CPS1: variants seen among roughly 807,000 people sequenced by gnomAD.
CPS1 encodes the protein carbamoyl-phosphate synthase 1, also known as carbamoyl-phosphate synthase [ammonia], mitochondrial.
In CPS1, 109 loss-of-function variants were observed where a neutral mutation model predicts 174.6. That is an observed-to-expected ratio of 0.62 (90% CI 0.53 to 0.73). The LOEUF (loss-of-function observed/expected upper bound fraction) is 0.73, where lower values mean the gene tolerates loss of function less well. CPS1 is among the 30% of genes least tolerant of loss of function. The pLI is 0.00. For synonymous variants in CPS1, 637 were observed against 632.0 expected, an observed-to-expected ratio of 1.01 and a Z score of -0.12; for missense variants, 1,689 against 1,821.9, an observed-to-expected ratio of 0.93 and a Z score of 1.33.
chr2:210,653,519 T>C (rs1213541267), intron 28 of CPS1, among the ~76,000 whole-genome samples: 2 of 152,210 alleles, frequency 1.3e-5, no homozygotes, highest in Non-Finnish European at 2.9e-5. Context: ...AAGGATTTCA[T>C]CTTTGGCCCA....
In CPS1 at chr2:210,675,819, C is replaced by T; in HGVS notation, c.4253C>T (p.Pro1418Leu). Residue 1418 changes from proline to leucine, a missense_variant, in exon 36 of 38, where the codon CCC (proline) becomes CTC (leucine). Coordinates refer to ENST00000233072, the MANE Select transcript of CPS1 (RefSeq NM_001875.5). ...VAWPSQEGQNPSLSSIRKLIR... is the reference protein window; with the variant it reads ...VAWPSQEGQNLSLSSIRKLIR... ...TGGCCGTCTCAAGAAGGACAGAATC[C>T]CAGCCTCTCTTCCATCAGAAAGTAA... 6.4e-7 allele frequency: 1 copy of T among 1,559,432 alleles called. No individual in the cohort carries two copies. The highest frequency in any genetic ancestry group is 8.8e-7 in the Non-Finnish European group (1 of 1,130,072).
At chr2:210,552,496 T>A (rs1026155018), upstream of CPS1, among the ~76,000 whole-genome samples, 3 of 152,168 alleles carry the variant, frequency 2.0e-5, no homozygotes, top group Admixed American at 2.0e-4. Context: ...CTTAGAGTTG[T>A]TTCTGATTCA....
chr2:210,668,548 C>T (rs1000890330), intron 34 of CPS1, among the ~76,000 whole-genome samples: 1 of 152,068 alleles, frequency 6.6e-6, no homozygotes, highest in African/African-American at 2.4e-5. Flanking sequence ...ATGCAGGGTA[C>T]TTTAAAAAAT....
At chr2:210,525,978 A>C (rs1196662912) in intron 1 of CPS1, among the ~76,000 whole-genome samples, 4 of 151,878 alleles carry the variant, frequency 2.6e-5, no homozygotes, top group Non-Finnish European at 2.9e-5. Flanking sequence ...GTATGACTGC[A>C]ATGAAGAGTC....
intron 21 of CPS1, among the ~76,000 whole-genome samples, chr2:210,635,493 G>A (rs1469931943): frequency 6.6e-6 from 1 of 152,168 alleles, no homozygotes; most frequent in African/African-American, 2.4e-5. Flanking sequence ...TGACACTGGA[G>A]CCACTGACCA....
upstream of CPS1, chr2:210,556,541 G>T (rs1268474254): frequency 1.0e-5 from 15 of 1,478,886 alleles, no homozygotes; most frequent in Non-Finnish European, 1.3e-5. Flanking sequence ...AGGAGGAGGG[G>T]TTAAGAGAAG....
At chr2:210,532,807 T>C (rs1168069007) in intron 1 of CPS1, among the ~76,000 whole-genome samples, 1 of 152,182 alleles carries the variant, frequency 6.6e-6, no homozygotes, top group East Asian at 1.9e-4. Flanking sequence ...AACTACCAAC[T>C]GGGCAGAGGG....
At chr2:210,589,142 C>T (rs1698204122) in intron 7 of CPS1, among the ~76,000 whole-genome samples, 1 of 152,054 alleles carries the variant, frequency 6.6e-6, no homozygotes, top group African/African-American at 2.4e-5. Flanking sequence ...GTAACTATTC[C>T]ACACGGGCTC....
chr2:210,511,015 G>C (rs1695471595), intron 1 of CPS1, among the ~76,000 whole-genome samples: 1 of 152,124 alleles, frequency 6.6e-6, no homozygotes, highest in Non-Finnish European at 1.5e-5. Context: ...GTTTGACCCA[G>C]CCATCCCATT....
rs972802487 is a variant in CPS1 at position 210,629,322 on chromosome 2, T to C, written c.2688-8380T>C. On this transcript the variant is annotated intron_variant, in intron 21 of 37. Coordinates refer to ENST00000233072, the MANE Select transcript of CPS1 (RefSeq NM_001875.5). ...GATTGGTATCAGCATCCTTTTTTTT[T>C]CTTTTTTTTTGAGACGGAGTCTCGC... Among the ~76,000 whole-genome samples the C allele has an allele frequency of 2.0e-3, 297 of 152,250 alleles. 4 individuals are homozygous for C. Among genetic ancestry groups the C allele is most frequent in the Non-Finnish European group, 5.1e-4 (35 of 68,004 alleles).
At chr2:210,566,697 T>C (rs1456088838) in intron 1 of CPS1, among the ~76,000 whole-genome samples, 1 of 152,198 alleles carries the variant, frequency 6.6e-6, no homozygotes, top group Non-Finnish European at 1.5e-5. Flanking sequence ...AGAATGATCT[T>C]TACTTCTCTG....
chr2:210,604,337 A>C (rs1201569583), intron 16 of CPS1, among the ~76,000 whole-genome samples: 2 of 151,896 alleles, frequency 1.3e-5, no homozygotes, highest in Non-Finnish European at 2.9e-5. Flanking sequence ...CAAATCAAAT[A>C]TATTATAAGA....
At chr2:210,530,076 C>A (rs1431714223) in intron 1 of CPS1, among the ~76,000 whole-genome samples, 1 of 151,880 alleles carries the variant, frequency 6.6e-6, no homozygotes, top group South Asian at 2.1e-4. Context: ...TAAGGGTTAC[C>A]ACTTTATAAT....
chr2:210,648,170 A>G, intron 26 of CPS1, 113 bp downstream of exon 26: 1 of 1,050,458 alleles, frequency 9.5e-7, no homozygotes, highest in Non-Finnish European at 1.4e-6. Flanking sequence ...GATAGAATGC[A>G]TACACTTAGT....
intron 32 of CPS1, among the ~76,000 whole-genome samples, chr2:210,661,930 GAGTCTT>G (rs1247169981): frequency 2.7e-4 from 37 of 135,870 alleles, no homozygotes; most frequent in Middle Eastern, 4.5e-3. Flanking sequence ...TTTTGAGACG[GAGTCTT>G]GCTCTGTCAC....
intron 21 of CPS1, among the ~76,000 whole-genome samples, chr2:210,626,466 T>A (rs1699701744): frequency 6.6e-6 from 1 of 152,178 alleles, no homozygotes; most frequent in Admixed American, 6.5e-5. Context: ...AAACTGACTG[T>A]GTTGGGAAAT....
intron 25 of CPS1, among the ~76,000 whole-genome samples, chr2:210,645,029 A>G (rs557105074): frequency 4.6e-5 from 7 of 152,314 alleles, no homozygotes; most frequent in African/African-American, 1.7e-4. Context: ...TATGATAAGG[A>G]TGATGATTTA....
At chr2:210,523,985 G>C (rs932966726) in intron 1 of CPS1, among the ~76,000 whole-genome samples, 3 of 151,988 alleles carry the variant, frequency 2.0e-5, no homozygotes, top group African/African-American at 7.2e-5. Flanking sequence ...TTCTATGATA[G>C]TCATTACTTT....
intron 1 of CPS1, among the ~76,000 whole-genome samples, chr2:210,563,156 G>A (rs1388489021): frequency 1.3e-5 from 2 of 152,050 alleles, no homozygotes; most frequent in African/African-American, 2.4e-5. Flanking sequence ...TTATATACCC[G>A]ATGCCATAGT....
Sources: gnomAD v4.1 joint callset for allele counts (sites outside exome capture counted in the v4.1 genomes callset) on GRCh38, gnomAD v4.1.1 for gene constraint, MANE v1.5 for transcripts, NCBI Gene and HGNC (gene_info 2026-07-23, HGNC 2026-07-21) for gene names.